The following NAALADL2 variants were observed in gnomAD, a reference collection of about 807,000 sequenced individuals.
The protein encoded by NAALADL2 is N-acetylated alpha-linked acidic dipeptidase like 2, also known as inactive N-acetylated-alpha-linked acidic dipeptidase-like protein 2.
NAALADL2 carries 76 observed loss-of-function variants against 87.2 expected under a neutral mutation model. The observed-to-expected ratio is 0.87, with a 90% CI of 0.72 to 1.05. The LOEUF is 1.05. Among genes scored for constraint, NAALADL2 ranks in the 50% least tolerant of loss-of-function variants. The pLI is 0.00. For synonymous variants in NAALADL2, 354 were observed against 331.0 expected, an observed-to-expected ratio of 1.07 and a Z score of -0.75; for missense variants, 1,089 against 945.8, an observed-to-expected ratio of 1.15 and a Z score of -1.99.
At chr3:174,450,869 C>CAAAAAAAAAAAAAAAAA (rs761513802) in intron 1 of NAALADL2, among the ~76,000 whole-genome samples, 4 of 74,876 alleles carry the variant, frequency 5.3e-5, no homozygotes, top group Admixed American at 1.4e-4. Context: ...GACTCTGTCT[C>CAAAAAAAAAAAAAAAAA]AAAAAAAAAA....
chr3:175,017,616 A>G (rs999759642), intron 1 of NAALADL2, among the ~76,000 whole-genome samples: 1 of 152,152 alleles, frequency 6.6e-6, no homozygotes, highest in Non-Finnish European at 1.5e-5. Context: ...CCAAAAAATG[A>G]AATGATTTCA....
rs377300373 is a variant in NAALADL2, at chr3:175,713,896, A to G, written c.1897-23410A>G. On this transcript the variant is annotated intron_variant, in intron 11 of 13. Coordinates refer to ENST00000454872, the MANE Select transcript of NAALADL2 (RefSeq NM_207015.3). ...CCCTTCTCTAGCCCCCCACTCCCCA[A>G]TAGGCCCTGGTGTGTGATGTTCCCC... Among the ~76,000 whole-genome samples the G allele has an allele frequency of 2.3e-4, 35 of 152,038 alleles. 1 individual carries two copies. In the East Asian group the frequency reaches 3.1e-3, roughly 13 times the overall value.
chr3:175,209,888 T>C (rs1361183616), intron 2 of NAALADL2, among the ~76,000 whole-genome samples: 1 of 151,528 alleles, frequency 6.6e-6, no homozygotes, highest in African/African-American at 2.4e-5. Context: ...TTAAAAAAAT[T>C]AAAAATAAAT....
At chr3:175,637,290 A>G (rs1179355262) in intron 11 of NAALADL2, among the ~76,000 whole-genome samples, 1 of 152,206 alleles carries the variant, frequency 6.6e-6, no homozygotes, top group African/African-American at 2.4e-5. Flanking sequence ...AAAGTCTCAA[A>G]TTTTTATTTC....
At chr3:174,657,436 C>T (rs1052810741) in intron 2 of NAALADL2, among the ~76,000 whole-genome samples, 1 of 152,058 alleles carries the variant, frequency 6.6e-6, no homozygotes, top group African/African-American at 2.4e-5. Flanking sequence ...AGACTACAGG[C>T]ATGAGCGACC....
chr3:175,331,026 C>A (rs2110495063), intron 5 of NAALADL2, among the ~76,000 whole-genome samples: 1 of 152,264 alleles, frequency 6.6e-6, no homozygotes, highest in East Asian at 1.9e-4. Flanking sequence ...CAACTATACA[C>A]TAACAATCTG....
chr3:174,550,107 G>A (rs192931828), intron 1 of NAALADL2, among the ~76,000 whole-genome samples: 100 of 152,026 alleles, frequency 6.6e-4, no homozygotes, highest in African/African-American at 2.4e-3. Context: ...TTTTCAGATT[G>A]GTTAAATGTT....
chr3:175,742,547 A>G (rs12330877), intron 12 of NAALADL2, among the ~76,000 whole-genome samples: 14,058 of 151,418 alleles, frequency 0.093, 675 homozygotes, highest in Middle Eastern at 0.12. Flanking sequence ...ACAGGCGCCC[A>G]CCACCACACC....
chr3:175,504,194 T>A (rs931790536), intron 9 of NAALADL2, among the ~76,000 whole-genome samples: 4 of 152,198 alleles, frequency 2.6e-5, no homozygotes, highest in African/African-American at 9.6e-5. Flanking sequence ...TTCTATTGCT[T>A]GCTTTTGTTG....
At chr3:175,213,133 A>G (rs554150566) in intron 2 of NAALADL2, among the ~76,000 whole-genome samples, 1 of 152,324 alleles carries the variant, frequency 6.6e-6, no homozygotes, top group Non-Finnish European at 1.5e-5. Flanking sequence ...ATGAATCATT[A>G]TAAGACATTT....
chr3:175,475,523 G>T (rs1323399896), intron 9 of NAALADL2, among the ~76,000 whole-genome samples: 4 of 152,116 alleles, frequency 2.6e-5, no homozygotes, highest in African/African-American at 9.7e-5. Context: ...TAAGTCTTAA[G>T]AAAATAGCAA....
chr3:174,986,439 G>A (rs9826059), intron 1 of NAALADL2, among the ~76,000 whole-genome samples: 14,404 of 151,380 alleles, frequency 0.095, 1,619 homozygotes, highest in African/African-American at 0.27. Flanking sequence ...GTTGCTATAA[G>A]GTTTGCAAAG....
chr3:175,154,973 A>G (rs1732086862), intron 2 of NAALADL2, among the ~76,000 whole-genome samples: 1 of 152,174 alleles, frequency 6.6e-6, no homozygotes, highest in African/African-American at 2.4e-5. Context: ...AAAATGTCAG[A>G]AAGAAGAGTT....
At chr3:174,470,107 G>T (rs1263731973) in intron 1 of NAALADL2, among the ~76,000 whole-genome samples, 2 of 151,858 alleles carry the variant, frequency 1.3e-5, no homozygotes, top group Non-Finnish European at 2.9e-5. Context: ...ATCCATACAG[G>T]AATTTCCACC....
At chr3:174,882,826 T>C (rs1335450661) in intron 1 of NAALADL2, among the ~76,000 whole-genome samples, 23 of 146,014 alleles carry the variant, frequency 1.6e-4, no homozygotes, top group African/African-American at 3.7e-4. Context: ...TGTGTATATA[T>C]ACACGTGTGT....
At chr3:174,861,447 T>C (rs989831784) in intron 1 of NAALADL2, among the ~76,000 whole-genome samples, 6 of 152,126 alleles carry the variant, frequency 3.9e-5, no homozygotes, top group South Asian at 2.1e-4. Flanking sequence ...AGTTATTTTC[T>C]AGTGTTCAAT....
chr3:174,883,480 T>C (rs906934396), intron 1 of NAALADL2, among the ~76,000 whole-genome samples: 1 of 152,134 alleles, frequency 6.6e-6, no homozygotes, highest in African/African-American at 2.4e-5. Context: ...CCAACCCAAA[T>C]ACTATTACAT....
At chr3:175,211,397 A>G (rs2109267170) in intron 2 of NAALADL2, among the ~76,000 whole-genome samples, 1 of 152,090 alleles carries the variant, frequency 6.6e-6, no homozygotes, top group Non-Finnish European at 1.5e-5. Context: ...GAAGTAGCTC[A>G]ATGATTATAT....
At chr3:175,616,641 C>A (rs1372740583) in intron 10 of NAALADL2, among the ~76,000 whole-genome samples, 1 of 152,062 alleles carries the variant, frequency 6.6e-6, no homozygotes, top group African/African-American at 2.4e-5. Context: ...CTGCCTGGGG[C>A]CTGGGGACCC....
Sources: allele counts gnomAD v4.1 joint callset (sites outside exome capture counted in the v4.1 genomes callset), GRCh38; gene constraint gnomAD v4.1.1; transcripts MANE v1.5; gene names NCBI Gene and HGNC (gene_info 2026-07-23, HGNC 2026-07-21).